The following ATP12A variants were observed in gnomAD, a reference collection of about 807,000 sequenced individuals.
ATP12A encodes the protein potassium-transporting ATPase alpha chain 2.
A neutral mutation model predicts 111.2 loss-of-function variants in ATP12A; 81 were observed. The ratio of observed to expected loss-of-function variants is 0.73; its 90% confidence interval spans 0.61 to 0.88. The LOEUF (loss-of-function observed/expected upper bound fraction) is 0.88, where lower values mean the gene tolerates loss of function less well. Ranked by LOEUF, ATP12A falls within the 40% of genes least tolerant of loss-of-function variation. ATP12A has a pLI of 0.00. For missense variants in ATP12A, 1,196 were observed against 1,313.1 expected, an observed-to-expected ratio of 0.91 and a Z score of 1.38; for synonymous variants, 498 against 499.8, an observed-to-expected ratio of 1.00 and a Z score of 0.05.
intron 4 of ATP12A, among the ~76,000 whole-genome samples, chr13:24,689,000 G>A (rs1201034349): frequency 2.6e-5 from 4 of 152,126 alleles, no homozygotes; most frequent in South Asian, 4.1e-4. Context: ...ACAGGAGCAG[G>A]GAGTGACGGC....
chr13:24,681,750 C>T, intron 2 of ATP12A, 30 bp downstream of exon 2: 1 of 1,613,090 alleles, frequency 6.2e-7, no homozygotes, highest in South Asian at 1.1e-5. Context: ...GGGGTCCTGC[C>T]GGCTATGGCC....
At chr13:24,705,206 G>A (rs752882869) in intron 14 of ATP12A, among the ~76,000 whole-genome samples, 16 of 152,198 alleles carry the variant, frequency 1.1e-4, no homozygotes, top group African/African-American at 3.6e-4. Flanking sequence ...TGTTAGCCAC[G>A]AGAAGCTGAG....
chr13:24,702,426 C>T (rs375903133), intron 14 of ATP12A, among the ~76,000 whole-genome samples: 3 of 152,306 alleles, frequency 2.0e-5, no homozygotes, highest in South Asian at 2.1e-4. Flanking sequence ...AATTTGGAAT[C>T]GTAAGAACCC....
At chr13:24,706,192 G>A (rs1360576547) in intron 14 of ATP12A, 121 bp from the exon 15 acceptor site, 3 of 1,306,308 alleles carry the variant, frequency 2.3e-6, no homozygotes, top group Admixed American at 2.5e-5. Context: ...AGAGCATTAG[G>A]TATCAAGGAC....
chr13:24,698,626 G>A (rs1393122658), intron 11 of ATP12A, 32 bp from the exon 12 acceptor site: 2 of 1,602,328 alleles, frequency 1.2e-6, no homozygotes, highest in Non-Finnish European at 8.5e-7. Context: ...TCACCTTTCT[G>A]TAAGTAACAC....
chr13:24,701,971 A>C lies in ATP12A; in HGVS notation c.1918A>C (p.Lys640Gln). The change falls in exon 14 of 23, where the codon AAA becomes CAA. Residue 640 changes from lysine (K) to glutamine (Q), a missense_variant. Transcript: ENST00000381946. ...TACTGGTGATCATCCCATCACAGCC[A>C]AAGCTATTGCCAAGAGTGTGGGGAT... ...MVTGDHPITAKAIAKSVGIIS... is the reference protein window; with the variant it reads ...MVTGDHPITAQAIAKSVGIIS... The C allele has an allele frequency of 1.9e-6, 3 of 1,614,254 alleles. No individual in the cohort carries two copies. Among genetic ancestry groups the C allele is most frequent in the Non-Finnish European group, 2.5e-6 (3 of 1,180,046 alleles).
At chr13:24,706,609 A>G (rs992697013) in intron 15 of ATP12A, 146 bp downstream of exon 15, 9 of 1,227,434 alleles carry the variant, frequency 7.3e-6, no homozygotes, top group African/African-American at 3.1e-5. Flanking sequence ...GACCTCTCCA[A>G]CCTCTCAGGT....
In ATP12A at chr13:24,689,373, C is replaced by G. The variant is rs1874786174; in HGVS notation, c.544C>G (p.Gln182Glu). The G allele has an allele frequency of 1.2e-6, 2 of 1,613,350 alleles. No homozygotes were observed. Among genetic ancestry groups the G allele is most frequent in the Admixed American group, 1.7e-5 (1 of 60,004 alleles). Residue 182 changes from glutamine to glutamate, a missense_variant and splice_region_variant, in exon 5 of 23, where the codon CAG (glutamine) becomes GAG (glutamate). Coordinates refer to ENST00000381946, the MANE Select transcript of ATP12A (RefSeq NM_001676.7). ...GTCCAGCTTCAATAAGATGATCCCT[C>G]AGGTGAGTGGCAGCCACCTATCCTC... Reference protein sequence around the residue: ...IMSSFNKMIPQQALVIRDSEK... With the variant: ...IMSSFNKMIPEQALVIRDSEK...
rs2071490 is a variant in ATP12A, at chr13:24,691,001, T to C, written c.819T>C (p.Val273=). 0.24 allele frequency: 389,005 copies of C among 1,613,286 alleles called. 51,264 individuals are homozygous for C. The highest frequency in any genetic ancestry group is 0.5 in the East Asian group (22,540 of 44,854). ...CTGTAGGCACTGTCACCGGCATGGTTATCAACACGGGTGACCGCACCATCA... is the reference window on the plus strand; with the variant it reads ...CTGTAGGCACTGTCACCGGCATGGTCATCAACACGGGTGACCGCACCATCA... ...TCLEGTVTGM[V]INTGDRTIIG... is the part of the protein sequence containing the mutation. Residue 273 remains valine (V), a synonymous_variant, in exon 8 of 23, where the codon GTT becomes GTC. Coordinates refer to ENST00000381946, the MANE Select transcript of ATP12A (RefSeq NM_001676.7).
intron 1 of ATP12A, 31 bp from the exon 2 acceptor site, chr13:24,681,531 G>A (rs759326689): frequency 6.2e-7 from 1 of 1,601,102 alleles, no homozygotes; most frequent in Non-Finnish European, 8.5e-7. Context: ...CCCCATTTGG[G>A]GCCAATATTG....
chr13:24,704,680 G>A, intron 14 of ATP12A: 1 of 216,260 alleles, frequency 4.6e-6, no homozygotes, highest in South Asian at 6.3e-5. Context: ...TTCTGTCTCA[G>A]CTCTTTGGAA....
chr13:24,699,632 A>G (rs1875308911), intron 12 of ATP12A, among the ~76,000 whole-genome samples: 1 of 152,204 alleles, frequency 6.6e-6, no homozygotes, highest in African/African-American at 2.4e-5. Context: ...CTAGGAAGAG[A>G]GTGATGCCAG....
intron 5 of ATP12A, among the ~76,000 whole-genome samples, 159 bp from the exon 6 acceptor site, chr13:24,690,179 C>T (rs752759004): frequency 6.6e-6 from 1 of 152,092 alleles, no homozygotes; most frequent in African/African-American, 2.4e-5. Context: ...ATGCTGTGTC[C>T]ACAGGGCCAG....
intron 11 of ATP12A, among the ~76,000 whole-genome samples, chr13:24,695,810 T>C (rs1875128870): frequency 6.6e-6 from 1 of 152,044 alleles, no homozygotes; most frequent in Non-Finnish European, 1.5e-5. Context: ...GGTTTCACCT[T>C]GTTGGCTGGG....
Position 24,689,244 on chromosome 13 carries a change from G to A in ATP12A, c.433-18G>A, listed in dbSNP as rs774212922. 8.1e-6 allele frequency: 13 copies of A among 1,608,908 alleles called. No individual in the cohort carries two copies. Among genetic ancestry groups the A allele is most frequent in the South Asian group, 4.4e-5 (4 of 90,962 alleles). On this transcript the variant is annotated intron_variant, in intron 4 of 22. Coordinates refer to ENST00000381946, the MANE Select transcript of ATP12A (RefSeq NM_001676.7). ...CCCACTGCTGGTTTCTCTGACTGACGCCCTCCTTCTCACCCAGGTGTACTT... is the reference window on the plus strand; with the variant it reads ...CCCACTGCTGGTTTCTCTGACTGACACCCTCCTTCTCACCCAGGTGTACTT...
intron 3 of ATP12A, among the ~76,000 whole-genome samples, chr13:24,688,106 A>C (rs1436858349): frequency 1.3e-5 from 2 of 152,182 alleles, no homozygotes; most frequent in African/African-American, 4.8e-5. Flanking sequence ...TATACAGAGC[A>C]CAGTGCCTGG....
chr13:24,707,472 C>G (rs772104613), intron 17 of ATP12A, 39 bp downstream of exon 17: 40 of 1,611,762 alleles, frequency 2.5e-5, no homozygotes, highest in Non-Finnish European at 3.2e-5. Flanking sequence ...GATGCCTGCC[C>G]CAGGGGAGGT....
At position 24,707,126 on chromosome 13, in the gene ATP12A, A is replaced by G; in HGVS notation, c.2273A>G (p.Lys758Arg). 1 of 1,614,144 alleles carries G rather than the reference A, an allele frequency of 6.2e-7. No homozygotes were observed. Among genetic ancestry groups the G allele is most frequent in the Non-Finnish European group, 8.5e-7 (1 of 1,180,028 alleles). ...AMGIAGSDAA[K>R]NAADMVLLDD... is the part of the protein sequence containing the mutation. Reference sequence around the variant, plus strand: ...GGGATAGCAGGTTCTGATGCAGCCAAAAATGCAGCCGACATGGTCTTGCTG... The same window carrying G: ...GGGATAGCAGGTTCTGATGCAGCCAGAAATGCAGCCGACATGGTCTTGCTG... The change falls in exon 16 of 23, where the codon AAA becomes AGA. Residue 758 changes from lysine to arginine, a missense_variant. Physicochemically the swap from Lys to Arg is conservative, Grantham distance 26. Coordinates refer to ENST00000381946, the MANE Select transcript of ATP12A (RefSeq NM_001676.7).
chr13:24,710,392 C>G, intron 19 of ATP12A, 68 bp from the exon 20 acceptor site: 3 of 1,580,860 alleles, frequency 1.9e-6, no homozygotes, highest in Non-Finnish European at 2.6e-6. Flanking sequence ...CTTTAGAGAA[C>G]TGCATTGGAA....
Sources: gnomAD v4.1 joint callset for allele counts (sites outside exome capture counted in the v4.1 genomes callset) on GRCh38, gnomAD v4.1.1 for gene constraint, MANE v1.5 for transcripts, NCBI Gene and HGNC (gene_info 2026-07-23, HGNC 2026-07-21) for gene names.